The following TLE4 variants were observed in gnomAD, a reference collection of about 807,000 sequenced individuals.
The protein encoded by TLE4 is TLE family member 4, transcriptional corepressor.
TLE4 carries 8 observed loss-of-function variants against 92.8 expected under a neutral mutation model. The ratio of observed to expected loss-of-function variants is 0.09; its 90% CI spans 0.05 to 0.16. The LOEUF is 0.16. TLE4 is among the 10% of genes least tolerant of loss of function. TLE4 has a pLI of 1.00. For synonymous variants in TLE4, 371 were observed against 374.1 expected (o/e 0.99, Z 0.10); for missense variants, 675 against 997.6 (o/e 0.68, Z 4.36).
intron 8 of TLE4, among the ~76,000 whole-genome samples, chr9:79,680,416 G>A (rs1221713845): frequency 2.6e-5 from 4 of 152,090 alleles, no homozygotes; most frequent in African/African-American, 9.7e-5. Context: ...CTCATGATTT[G>A]GCTCTCTGTT....
chr9:79,626,271 T>C (rs980439183), intron 5 of TLE4, among the ~76,000 whole-genome samples: 4 of 152,226 alleles, frequency 2.6e-5, no homozygotes, highest in African/African-American at 7.2e-5. Context: ...CACATTGAAC[T>C]GATAGCTCTT....
At chr9:79,601,625 C>T in intron 4 of TLE4, 1 of 371,758 alleles carries the variant, frequency 2.7e-6, no homozygotes, top group Admixed American at 3.3e-5. Context: ...GAACTGTGCC[C>T]CCATCAGACA....
intron 4 of TLE4, among the ~76,000 whole-genome samples, chr9:79,595,183 C>T (rs1220986257): frequency 1.3e-5 from 2 of 152,088 alleles, no homozygotes; most frequent in African/African-American, 4.8e-5. Context: ...TTTCTTAGGG[C>T]TGTGTTGGAG....
rs372527052 is a variant in TLE4, at chr9:79,722,597, T to C, written c.2133T>C (p.His711=). ...GTGTGCTGTCGCTCAAGTTTGCCCATTGTGGTAAGCAAGCACCTTTTGTCC... is the reference window on the plus strand; with the variant it reads ...GTGTGCTGTCGCTCAAGTTTGCCCACTGTGGTAAGCAAGCACCTTTTGTCC... The part of the protein sequence containing the change: ...ESCVLSLKFA[H]CGKWFVSTGK... Residue 711 remains histidine (H), a synonymous_variant, in exon 18 of 20, where the codon CAT becomes CAC. Transcript: ENST00000376552. The C allele has an allele frequency of 3.3e-5, 53 of 1,613,724 alleles. No homozygotes were observed. Among genetic ancestry groups the C allele is most frequent in the Non-Finnish European group, 4.4e-5 (52 of 1,179,958 alleles).
intron 2 of TLE4, 117 bp from the exon 3 acceptor site, chr9:79,574,756 G>T: frequency 3.8e-6 from 3 of 791,642 alleles, no homozygotes; most frequent in East Asian, 2.8e-5. Flanking sequence ...AATGATGGGG[G>T]TATTTATTTA....
intron 4 of TLE4, among the ~76,000 whole-genome samples, chr9:79,609,898 C>T (rs1347687740): frequency 6.6e-6 from 1 of 151,986 alleles, no homozygotes; most frequent in East Asian, 1.9e-4. Flanking sequence ...GATTAGAGCC[C>T]TGATTAACCA....
chr9:79,604,240 G>C (rs2132730938), intron 4 of TLE4, among the ~76,000 whole-genome samples: 1 of 152,194 alleles, frequency 6.6e-6, no homozygotes, highest in East Asian at 1.9e-4. Flanking sequence ...CCAGGTAGAG[G>C]GAACAGCAAG....
intron 6 of TLE4, among the ~76,000 whole-genome samples, chr9:79,630,078 C>T (rs538594664): frequency 8.6e-5 from 13 of 152,032 alleles, no homozygotes; most frequent in Non-Finnish European, 1.5e-4. Flanking sequence ...CCATCTAAGC[C>T]CCTGCAGACC....
At chr9:79,599,566 A>AG (rs2045041975) in intron 4 of TLE4, among the ~76,000 whole-genome samples, 1 of 152,220 alleles carries the variant, frequency 6.6e-6, no homozygotes, top group Admixed American at 6.5e-5. Context: ...AAGTCAAAGA[A>AG]GCTTGAGTAG....
intron 10 of TLE4, 47 bp from the exon 11 acceptor site, chr9:79,706,700 T>G (rs372411936): frequency 6.3e-7 from 1 of 1,580,650 alleles, no homozygotes; most frequent in Non-Finnish European, 8.6e-7. Context: ...ACCCCAGCAT[T>G]ATAAATGTGC....
chr9:79,585,806 C>CT (rs1009500146), intron 4 of TLE4, among the ~76,000 whole-genome samples: 11 of 151,602 alleles, frequency 7.3e-5, no homozygotes, highest in East Asian at 3.9e-4. Context: ...CTTTCTCATC[C>CT]TTTTTTTTCA....
chr9:79,638,955 G>T (rs2056573514), intron 6 of TLE4, among the ~76,000 whole-genome samples: 1 of 152,112 alleles, frequency 6.6e-6, no homozygotes, highest in Non-Finnish European at 1.5e-5. Context: ...CATTCCAGGA[G>T]CTCTTTGCAG....
chr9:79,671,574 C>A (rs2062358482), intron 8 of TLE4: 1 of 246,000 alleles, frequency 4.1e-6, no homozygotes, highest in East Asian at 8.2e-5. Context: ...TGCTGCTTTT[C>A]ATTATTTTAC....
intron 8 of TLE4, among the ~76,000 whole-genome samples, chr9:79,697,750 C>T (rs2068655572): frequency 6.6e-6 from 1 of 151,856 alleles, no homozygotes; most frequent in African/African-American, 2.4e-5. Context: ...CCAAGCAATA[C>T]ATAATGCTGA....
intron 4 of TLE4, among the ~76,000 whole-genome samples, chr9:79,609,181 T>C (rs1241832611): frequency 1.3e-5 from 2 of 152,190 alleles, no homozygotes; most frequent in East Asian, 3.9e-4. Flanking sequence ...TTTTGGAGTA[T>C]GAAGAAATAA....
In TLE4 at chr9:79,721,819, G is replaced by A. The variant is rs775224420; in HGVS notation, c.1917G>A (p.Leu639=). Residue 639 remains leucine (L), a synonymous_variant, in exon 17 of 20, where the codon TTG becomes TTA. Transcript: ENST00000376552. Reference sequence around the variant, plus strand: ...GCACCAAGCTCTGGACAGGTGGTTTGGACAACACGGTCAGGTCCTGGGACC... The same window carrying A: ...GCACCAAGCTCTGGACAGGTGGTTTAGACAACACGGTCAGGTCCTGGGACC... The part of the protein sequence containing the change: ...NDGTKLWTGG[L]DNTVRSWDLR... 1.9e-6 allele frequency: 3 copies of A among 1,614,172 alleles called. No individual in the cohort carries two copies. The highest frequency in any genetic ancestry group is 1.6e-4 in the Middle Eastern group (1 of 6,062).
At chr9:79,646,288 G>A (rs1420100527) in intron 6 of TLE4, among the ~76,000 whole-genome samples, 13 of 152,060 alleles carry the variant, frequency 8.5e-5, no homozygotes, top group Admixed American at 8.5e-4. Context: ...TGGGGCAGAG[G>A]GCAGAGGACA....
At chr9:79,661,586 GTTTTTGATGC>G (rs1351204821) in intron 8 of TLE4, among the ~76,000 whole-genome samples, 4 of 152,190 alleles carry the variant, frequency 2.6e-5, no homozygotes, top group Non-Finnish European at 5.9e-5. Flanking sequence ...TTCTGAAAGA[GTTTTTGATGC>G]TTTTAAATAA....
chr9:79,661,820 G>A (rs1211536596), intron 8 of TLE4, among the ~76,000 whole-genome samples: 1 of 152,042 alleles, frequency 6.6e-6, no homozygotes, highest in Non-Finnish European at 1.5e-5. Flanking sequence ...AAATTTTACT[G>A]CTTAAAAACA....
Sources: allele counts gnomAD v4.1 joint callset (sites outside exome capture counted in the v4.1 genomes callset), GRCh38; gene constraint gnomAD v4.1.1; transcripts MANE v1.5; gene names NCBI Gene and HGNC (gene_info 2026-07-23, HGNC 2026-07-21).